HS3ST4: variants seen among roughly 807,000 people sequenced by gnomAD.
The protein encoded by HS3ST4 is heparan sulfate-glucosamine 3-sulfotransferase 4.
In HS3ST4, 17 loss-of-function variants were observed where a neutral mutation model predicts 29.2. The ratio of observed to expected loss-of-function variants is 0.58; its 90% CI spans 0.40 to 0.87. HS3ST4 has a LOEUF of 0.87. HS3ST4 is among the 40% of genes least tolerant of loss of function. The pLI, the probability that HS3ST4 is intolerant of heterozygous loss-of-function variation, is 0.00. For synonymous variants in HS3ST4, 314 were observed against 285.7 expected (o/e 1.10, Z -1.00); for missense variants, 627 against 634.5 (o/e 0.99, Z 0.13).
At chr16:26,086,149 C>G (rs1213710571) in intron 1 of HS3ST4, among the ~76,000 whole-genome samples, 1 of 152,014 alleles carries the variant, frequency 6.6e-6, no homozygotes, top group East Asian at 1.9e-4. Context: ...ACTCATGTCC[C>G]TTGCTCAAAT....
chr16:26,062,188 T>G (rs1898484138), intron 1 of HS3ST4, among the ~76,000 whole-genome samples: 1 of 152,158 alleles, frequency 6.6e-6, no homozygotes. Context: ...ATTCCCCAAG[T>G]CCAAATTCAA....
chr16:26,113,312 G>A (rs555692705), intron 1 of HS3ST4, among the ~76,000 whole-genome samples: 6 of 152,024 alleles, frequency 3.9e-5, no homozygotes, highest in South Asian at 2.1e-4. Flanking sequence ...TGGGTGTAGC[G>A]GCGGGCACCT....
intron 1 of HS3ST4, among the ~76,000 whole-genome samples, chr16:26,110,333 T>A (rs1899112392): frequency 6.6e-6 from 1 of 152,196 alleles, no homozygotes; most frequent in Non-Finnish European, 1.5e-5. Flanking sequence ...GACACTTAGG[T>A]TGATTTCATG....
intron 1 of HS3ST4, among the ~76,000 whole-genome samples, chr16:25,780,554 G>A (rs1420256696): frequency 6.6e-6 from 1 of 152,176 alleles, no homozygotes; most frequent in Non-Finnish European, 1.5e-5. Flanking sequence ...AGGAGGAGAA[G>A]CAAAGAATTG....
At chr16:26,086,249 G>T (rs953768885) in intron 1 of HS3ST4, among the ~76,000 whole-genome samples, 10 of 152,232 alleles carry the variant, frequency 6.6e-5, no homozygotes, top group South Asian at 2.1e-4. Context: ...ATAAATATGA[G>T]AATATGTCAC....
intron 1 of HS3ST4, among the ~76,000 whole-genome samples, chr16:26,093,281 C>T (rs1399726781): frequency 2.6e-5 from 4 of 152,146 alleles, no homozygotes; most frequent in African/African-American, 7.2e-5. Flanking sequence ...GACAGACTGC[C>T]TCCTCAAGTG....
intron 1 of HS3ST4, among the ~76,000 whole-genome samples, chr16:25,937,277 A>C (rs1029498290): frequency 1.3e-5 from 2 of 152,200 alleles, no homozygotes; most frequent in African/African-American, 4.8e-5. Context: ...ATACAGACAG[A>C]AATGAAGAAA....
chr16:25,959,049 T>C (rs142015897), intron 1 of HS3ST4, among the ~76,000 whole-genome samples: 1 of 152,338 alleles, frequency 6.6e-6, no homozygotes, highest in Non-Finnish European at 1.5e-5. Flanking sequence ...GGTCACCACA[T>C]GAGGAGTTGG....
chr16:25,849,829 T>C (rs1035040953), intron 1 of HS3ST4, among the ~76,000 whole-genome samples: 6 of 77,000 alleles, frequency 7.8e-5, no homozygotes, highest in Admixed American at 4.5e-4. Context: ...ATCTATCACA[T>C]GTTTTATTAA....
intron 1 of HS3ST4, among the ~76,000 whole-genome samples, chr16:25,914,498 TG>T (rs757130859): frequency 1.3e-5 from 2 of 150,744 alleles, no homozygotes; most frequent in Non-Finnish European, 3.0e-5. Context: ...TGTACATGTG[TG>T]GGGGGAGGCA....
At chr16:26,120,786 A>G (rs956088414) in intron 1 of HS3ST4, among the ~76,000 whole-genome samples, 6 of 152,240 alleles carry the variant, frequency 3.9e-5, no homozygotes, top group Non-Finnish European at 8.8e-5. Context: ...TTCTTGGATC[A>G]CAAGGAAGAA....
At chr16:25,802,805 T>C (rs1175125228) in intron 1 of HS3ST4, among the ~76,000 whole-genome samples, 2 of 152,094 alleles carry the variant, frequency 1.3e-5, no homozygotes, top group Non-Finnish European at 2.9e-5. Context: ...TGTATTTTTT[T>C]CTCTGAAGTT....
At chr16:25,873,463 CACCCATCCATCTATCTCTCT>C (rs1207484179) in intron 1 of HS3ST4, among the ~76,000 whole-genome samples, 2 of 144,132 alleles carry the variant, frequency 1.4e-5, no homozygotes, top group African/African-American at 5.4e-5. Context: ...TCCATTTACC[CACCCATCCATCTATCTCTCT>C]ATCTATCTAT....
intron 1 of HS3ST4, among the ~76,000 whole-genome samples, chr16:25,858,206 C>T (rs796762730): frequency 5.3e-5 from 8 of 151,894 alleles, no homozygotes; most frequent in African/African-American, 1.7e-4. Flanking sequence ...TTACTTTCTG[C>T]AGCCTTCTCT....
intron 1 of HS3ST4, among the ~76,000 whole-genome samples, chr16:25,919,898 T>C (rs533219324): frequency 6.6e-6 from 1 of 150,790 alleles, no homozygotes; most frequent in South Asian, 2.1e-4. Context: ...AAAATCAGTA[T>C]GTAAACAGTT....
At chr16:25,799,066 C>G (rs1296522757) in intron 1 of HS3ST4, among the ~76,000 whole-genome samples, 1 of 152,196 alleles carries the variant, frequency 6.6e-6, no homozygotes, top group Non-Finnish European at 1.5e-5. Context: ...CCCCGGTTGT[C>G]AAAGTCTCTT....
intron 1 of HS3ST4, among the ~76,000 whole-genome samples, chr16:25,963,364 C>T (rs1245104646): frequency 1.3e-5 from 2 of 152,036 alleles, no homozygotes; most frequent in Non-Finnish European, 2.9e-5. Flanking sequence ...TTTTTCATGC[C>T]CTCCTTCTTG....
chr16:26,052,722 CTCATA>C lies in HS3ST4; in HGVS notation c.735-82886_735-82882del, dbSNP rs1898362189. On this transcript the variant is annotated intron_variant, in intron 1 of 1. Transcript: ENST00000331351. ...GTTGCCTTTTCTCCTAGGAATCTGC[CTCATA>C]TCAGAGAACCTTTAGGGAGCCAAGG... is the stretch of plus-strand genomic sequence containing the variant. Among the ~76,000 whole-genome samples, 8 of 152,338 alleles carry C rather than the reference CTCATA, an allele frequency of 5.3e-5. No homozygotes were observed. The South Asian group carries it at 1.7e-3, about 32-fold the overall frequency.
chr16:25,968,279 A>G (rs923029245), intron 1 of HS3ST4, among the ~76,000 whole-genome samples: 1 of 152,176 alleles, frequency 6.6e-6, no homozygotes, highest in Non-Finnish European at 1.5e-5. Flanking sequence ...TGTGCTCTGT[A>G]TGGCCAACAC....
Sources: gnomAD v4.1 joint callset for allele counts (sites outside exome capture counted in the v4.1 genomes callset) on GRCh38, gnomAD v4.1.1 for gene constraint, MANE v1.5 for transcripts, NCBI Gene and HGNC (gene_info 2026-07-23, HGNC 2026-07-21) for gene names.